GABRB1: variants seen among roughly 807,000 people sequenced by gnomAD.
GABRB1 encodes the protein gamma-aminobutyric acid receptor subunit beta-1.
Under a neutral mutation model 51.6 loss-of-function variants are expected in GABRB1, and 17 were observed. The observed-to-expected ratio is 0.33, with a 90% CI of 0.23 to 0.49. The LOEUF (loss-of-function observed/expected upper bound fraction) is 0.49, where lower values mean the gene tolerates loss of function less well. Among genes scored for constraint, GABRB1 ranks in the 20% least tolerant of loss-of-function variants. The pLI is 0.99. For synonymous variants in GABRB1, 247 were observed against 218.9 expected (o/e 1.13, Z -1.14); for missense variants, 410 against 600.6 (o/e 0.68, Z 3.32).
intron 3 of GABRB1, among the ~76,000 whole-genome samples, chr4:47,053,356 CT>C (rs1255229198): frequency 1.3e-5 from 2 of 152,114 alleles, no homozygotes; most frequent in African/African-American, 4.8e-5. Flanking sequence ...CTGGTGAGGT[CT>C]TCTTAGTTCA....
At chr4:47,223,649 T>G (rs921400603) in intron 4 of GABRB1, among the ~76,000 whole-genome samples, 1 of 152,084 alleles carries the variant, frequency 6.6e-6, no homozygotes, top group Non-Finnish European at 1.5e-5. Flanking sequence ...AGAAGAGGCA[T>G]GTAGGCTTTG....
At chr4:47,051,218 C>T (rs1171525213) in intron 3 of GABRB1, among the ~76,000 whole-genome samples, 2 of 152,068 alleles carry the variant, frequency 1.3e-5, no homozygotes, top group African/African-American at 4.8e-5. Flanking sequence ...GGGCAATATC[C>T]GGAATAACTG....
At chr4:47,423,124 GA>G (rs145404940) in intron 8 of GABRB1, among the ~76,000 whole-genome samples, 534 of 142,994 alleles carry the variant, frequency 3.7e-3, no homozygotes, top group African/African-American at 8.6e-3. Context: ...TATGTGAATG[GA>G]AAAAAAAAAA....
intron 3 of GABRB1, among the ~76,000 whole-genome samples, chr4:47,062,298 G>A (rs1726874824): frequency 6.7e-6 from 1 of 148,306 alleles, no homozygotes; most frequent in African/African-American, 2.5e-5. Context: ...CGGAAGCAAT[G>A]TCTTTTTTTT....
At chr4:47,072,435 C>T (rs1727378182) in intron 3 of GABRB1, among the ~76,000 whole-genome samples, 2 of 152,282 alleles carry the variant, frequency 1.3e-5, no homozygotes, top group South Asian at 4.2e-4. Context: ...ATTCTTCAAG[C>T]TACCAAAGGC....
At chr4:47,369,232 C>T (rs1362894751) in intron 5 of GABRB1, among the ~76,000 whole-genome samples, 2 of 152,118 alleles carry the variant, frequency 1.3e-5, no homozygotes, top group East Asian at 3.9e-4. Flanking sequence ...GCTTAGTGGA[C>T]AGAGGATAGG....
chr4:47,339,037 AC>A (rs1239852868), intron 5 of GABRB1, among the ~76,000 whole-genome samples: 1 of 152,210 alleles, frequency 6.6e-6, no homozygotes, highest in Non-Finnish European at 1.5e-5. Context: ...TTATTCACCC[AC>A]AAAGTTTCTA....
At chr4:47,366,273 T>C (rs1726979497) in intron 5 of GABRB1, among the ~76,000 whole-genome samples, 1 of 152,178 alleles carries the variant, frequency 6.6e-6, no homozygotes, top group South Asian at 2.1e-4. Flanking sequence ...TGAGTCTCCA[T>C]AAGCTAATCT....
intron 5 of GABRB1, among the ~76,000 whole-genome samples, chr4:47,341,437 T>C (rs180905385): frequency 6.6e-5 from 10 of 152,312 alleles, no homozygotes; most frequent in African/African-American, 2.4e-4. Context: ...CTGACCCTCA[T>C]AAACATCTAG....
At chr4:47,327,275 G>T (rs1415562838) in intron 5 of GABRB1, among the ~76,000 whole-genome samples, 2 of 150,484 alleles carry the variant, frequency 1.3e-5, no homozygotes, top group African/African-American at 4.9e-5. Flanking sequence ...AGGATCACTT[G>T]ACTCCAGGAG....
intron 3 of GABRB1, among the ~76,000 whole-genome samples, chr4:47,049,408 C>T (rs369505628): frequency 6.6e-6 from 1 of 152,180 alleles, no homozygotes; most frequent in South Asian, 2.1e-4. Flanking sequence ...AATCAGACGA[C>T]CAATTTTTGG....
At chr4:47,306,399 G>A (rs983413904) in intron 4 of GABRB1, among the ~76,000 whole-genome samples, 2 of 150,978 alleles carry the variant, frequency 1.3e-5, no homozygotes, top group Non-Finnish European at 3.0e-5. Flanking sequence ...TAGAAGGTGC[G>A]AAGTAGAGAT....
intron 4 of GABRB1, among the ~76,000 whole-genome samples, chr4:47,292,767 C>T (rs1342424212): frequency 3.9e-5 from 6 of 152,164 alleles, no homozygotes; most frequent in African/African-American, 1.4e-4. Context: ...GGCCTTCTTG[C>T]TGTGTCATCC....
intron 5 of GABRB1, among the ~76,000 whole-genome samples, chr4:47,388,813 T>A (rs545678153): frequency 3.9e-5 from 6 of 151,906 alleles, no homozygotes; most frequent in Admixed American, 1.3e-4. Flanking sequence ...GCCTGGAGAA[T>A]AAAAGAAAGG....
upstream of GABRB1, among the ~76,000 whole-genome samples, chr4:47,030,994 G>A (rs1725270430): frequency 6.6e-6 from 1 of 152,110 alleles, no homozygotes; most frequent in Non-Finnish European, 1.5e-5. Context: ...CTCCTACTCT[G>A]CCTCCTACAG....
intron 4 of GABRB1, among the ~76,000 whole-genome samples, chr4:47,235,813 G>T (rs769491958): frequency 1.5e-4 from 23 of 152,098 alleles, no homozygotes; most frequent in Non-Finnish European, 2.6e-4. Context: ...CGATTAAGAT[G>T]TTAAATTGGT....
At chr4:47,302,804 T>C (rs992572999) in intron 4 of GABRB1, among the ~76,000 whole-genome samples, 2 of 151,990 alleles carry the variant, frequency 1.3e-5, no homozygotes, top group African/African-American at 4.8e-5. Flanking sequence ...TTCAGATTAA[T>C]TAATTACTGG....
rs143242640 is a variant in GABRB1, at chr4:47,019,935, C to T, written c.-19-11979C>T. ...ATGTATATGTATACGTATATGTATA[C>T]GTATATGTATATGTATATGTATATA... On this transcript the variant is annotated intron_variant, in intron 1 of 3. Transcript: ENST00000513567. 6.2e-3 allele frequency among the ~76,000 whole-genome samples: 846 copies of T among 135,406 alleles called. 5 individuals carry two copies. The highest frequency in any genetic ancestry group is 0.017 in the African/African-American group (527 of 31,038). The allele number at this position is 135,406 out of a possible 152,430, so 88.8% of individuals were successfully genotyped here.
chr4:47,378,091 G>T (rs919470773), intron 5 of GABRB1, among the ~76,000 whole-genome samples: 6 of 152,220 alleles, frequency 3.9e-5, no homozygotes, highest in Non-Finnish European at 7.3e-5. Context: ...CGTAGAGCAG[G>T]GGGTGGCGCT....
Sources: gnomAD v4.1 joint callset for allele counts (sites outside exome capture counted in the v4.1 genomes callset) on GRCh38, gnomAD v4.1.1 for gene constraint, MANE v1.5 for transcripts, NCBI Gene and HGNC (gene_info 2026-07-23, HGNC 2026-07-21) for gene names.